The following UBAC2 variants were observed in gnomAD, a reference collection of about 807,000 sequenced individuals.
UBAC2 encodes the protein UBA domain containing 2, also known as ubiquitin-associated domain-containing protein 2.
Under a neutral mutation model 44.0 loss-of-function variants are expected in UBAC2, and 26 were observed. The observed-to-expected ratio is 0.59, with a 90% CI of 0.43 to 0.82. The LOEUF is 0.82. Among genes scored for constraint, UBAC2 ranks in the 40% least tolerant of loss-of-function variants. The probability of loss-of-function intolerance (pLI) is 0.00; values close to 1 mark genes in which losing one functional copy is unlikely to be tolerated. For synonymous variants in UBAC2, 155 were observed against 154.3 expected, an observed-to-expected ratio of 1.00 and a Z score of -0.04; for missense variants, 329 against 419.4, an observed-to-expected ratio of 0.78 and a Z score of 1.88.
intron 7 of UBAC2, among the ~76,000 whole-genome samples, chr13:99,342,437 A>G (rs530137107): frequency 6.6e-6 from 1 of 152,234 alleles, no homozygotes; most frequent in African/African-American, 2.4e-5. Flanking sequence ...AGGGCCCAGC[A>G]TAGTCTCGGC....
At chr13:99,231,057 A>AT (rs1566457587) in intron 1 of UBAC2, among the ~76,000 whole-genome samples, 1 of 152,136 alleles carries the variant, frequency 6.6e-6, no homozygotes, top group Non-Finnish European at 1.5e-5. Flanking sequence ...CAAAAAAAAA[A>AT]GGACTCTTGT....
intron 1 of UBAC2, among the ~76,000 whole-genome samples, chr13:99,234,638 A>G (rs2043214290): frequency 6.6e-6 from 1 of 152,224 alleles, no homozygotes; most frequent in South Asian, 2.1e-4. Context: ...GTTCAAGGCC[A>G]AGTCTTCTGG....
intron 1 of UBAC2, 186 bp downstream of exon 1, chr13:99,201,125 T>C (rs947300179): frequency 3.7e-6 from 5 of 1,354,276 alleles, no homozygotes; most frequent in Non-Finnish European, 4.8e-6. Flanking sequence ...CATTTCGGCC[T>C]GGAGGGGCGA....
chr13:99,350,421 T>G (rs1415916135), intron 7 of UBAC2, among the ~76,000 whole-genome samples: 1 of 152,104 alleles, frequency 6.6e-6, no homozygotes. Context: ...CCTCTGTGAT[T>G]AGGGAGAGGG....
At chr13:99,347,674 A>G (rs905905209) in intron 7 of UBAC2, among the ~76,000 whole-genome samples, 1 of 151,534 alleles carries the variant, frequency 6.6e-6, no homozygotes, top group Non-Finnish European at 1.5e-5. Flanking sequence ...TCTCACTTCA[A>G]CTGAGACATG....
At chr13:99,264,932 TG>T (rs1275252109) in intron 4 of UBAC2, among the ~76,000 whole-genome samples, 1 of 151,528 alleles carries the variant, frequency 6.6e-6, no homozygotes, top group Non-Finnish European at 1.5e-5. Flanking sequence ...AGTCCCCTGA[TG>T]GGGTCACATT....
intron 4 of UBAC2, among the ~76,000 whole-genome samples, chr13:99,298,756 A>G (rs2138725242): frequency 6.6e-6 from 1 of 152,268 alleles, no homozygotes; most frequent in African/African-American, 2.4e-5. Flanking sequence ...GTAGAAAAAG[A>G]TTTTTCCATT....
At chr13:99,364,727 T>G (rs1014225790) in intron 7 of UBAC2, among the ~76,000 whole-genome samples, 1 of 152,194 alleles carries the variant, frequency 6.6e-6, no homozygotes, top group Non-Finnish European at 1.5e-5. Flanking sequence ...GTACTTTTTG[T>G]GTTTATTTTG....
At chr13:99,360,637 T>C (rs1036407539) in intron 7 of UBAC2, among the ~76,000 whole-genome samples, 1 of 152,174 alleles carries the variant, frequency 6.6e-6, no homozygotes, top group East Asian at 1.9e-4. Flanking sequence ...TTTGAACACC[T>C]TGGGGAAAAT....
chr13:99,243,162 A>G (rs1359431177), intron 2 of UBAC2, among the ~76,000 whole-genome samples: 3 of 150,868 alleles, frequency 2.0e-5, no homozygotes, highest in Non-Finnish European at 3.0e-5. Flanking sequence ...GATGTTTGAG[A>G]TGTCATTGGG....
intron 4 of UBAC2, among the ~76,000 whole-genome samples, chr13:99,282,338 T>A (rs1346096158): frequency 6.6e-6 from 1 of 152,248 alleles, no homozygotes; most frequent in East Asian, 1.9e-4. Context: ...CCTAGGAAGC[T>A]TGTTGAGAAC....
At chr13:99,226,119 G>C (rs2043107478) in intron 1 of UBAC2, among the ~76,000 whole-genome samples, 1 of 152,190 alleles carries the variant, frequency 6.6e-6, no homozygotes. Context: ...TGAGCTGGTA[G>C]CACTTTGCAG....
At chr13:99,358,552 G>T (rs1033740392) in intron 7 of UBAC2, among the ~76,000 whole-genome samples, 3 of 152,222 alleles carry the variant, frequency 2.0e-5, no homozygotes, top group Non-Finnish European at 4.4e-5. Context: ...TAATAGGCTT[G>T]TGATTGTTAA....
intron 4 of UBAC2, 143 bp downstream of exon 4, chr13:99,244,767 C>A (rs1030200620): frequency 1.2e-5 from 6 of 480,346 alleles, no homozygotes; most frequent in South Asian, 7.5e-5. Flanking sequence ...AAAGTCTAAT[C>A]TATGCCTACA....
intron 8 of UBAC2, 131 bp downstream of exon 8, chr13:99,368,037 A>T: frequency 9.5e-6 from 10 of 1,050,546 alleles, no homozygotes; most frequent in East Asian, 3.4e-5. Context: ...ATCTGCCACC[A>T]TGATAGAGAC....
chr13:99,334,547 C>T (rs1249922995), intron 6 of UBAC2, among the ~76,000 whole-genome samples: 2 of 152,056 alleles, frequency 1.3e-5, no homozygotes, highest in African/African-American at 4.8e-5. Context: ...GCAAGCTTCT[C>T]CTGTTTTACA....
chr13:99,283,894 C>A (rs2043986279), intron 4 of UBAC2, among the ~76,000 whole-genome samples: 1 of 151,980 alleles, frequency 6.6e-6, no homozygotes, highest in East Asian at 1.9e-4. Flanking sequence ...GCCACCACGC[C>A]CAGCTAATTT....
At chr13:99,284,711 T>C (rs1247033309) in intron 4 of UBAC2, among the ~76,000 whole-genome samples, 2 of 152,246 alleles carry the variant, frequency 1.3e-5, no homozygotes, top group African/African-American at 4.8e-5. Context: ...TTGCATTTCA[T>C]TGGTACATCC....
chr13:99,345,925 TA>T (rs1350807661), intron 7 of UBAC2, among the ~76,000 whole-genome samples: 2 of 151,994 alleles, frequency 1.3e-5, no homozygotes, highest in African/African-American at 4.8e-5. Context: ...GTATTTTTAG[TA>T]AAGACGGGGT....
Sources: allele counts gnomAD v4.1 joint callset (sites outside exome capture counted in the v4.1 genomes callset), GRCh38; gene constraint gnomAD v4.1.1; transcripts MANE v1.5; gene names NCBI Gene and HGNC (gene_info 2026-07-23, HGNC 2026-07-21).